Variants in CCDC122 observed in about 807,000 individuals in gnomAD.
CCDC122 encodes the protein coiled-coil domain-containing protein 122.
CCDC122 carries 38 observed loss-of-function variants against 37.0 expected under a neutral mutation model. The observed-to-expected ratio is 1.03, with a 90% confidence interval of 0.79 to 1.35. The LOEUF is 1.35. Among genes scored for constraint, CCDC122 ranks in the 40% most tolerant of loss-of-function variants. CCDC122 has a pLI of 0.00. For synonymous variants in CCDC122, 83 were observed against 95.6 expected, an observed-to-expected ratio of 0.87 and a Z score of 0.77; for missense variants, 305 against 310.0, an observed-to-expected ratio of 0.98 and a Z score of 0.12.
intron 6 of CCDC122, chr13:43,848,739 C>T (rs1488359406): frequency 1.7e-6 from 1 of 585,594 alleles, no homozygotes; most frequent in East Asian, 1.4e-4. Flanking sequence ...TTTTTATGAA[C>T]CAAAAAATGT....
rs963137562 is a variant in CCDC122, at chr13:43,866,579, C to T, written c.156+2115G>A. ...TCTGTTTCATAAAAATGATATACCT[C>T]TATATTTAAGTCTTCTTTAATTTTT... On this transcript the variant is annotated intron_variant, in intron 4 of 6. Coordinates refer to ENST00000444614, the MANE Select transcript of CCDC122 (RefSeq NM_144974.5). Among the ~76,000 whole-genome samples the T allele has an allele frequency of 4.6e-5, 7 of 152,086 alleles. No individual in the cohort carries two copies. In the South Asian group the frequency reaches 1.0e-3, roughly 23 times the overall value.
chr13:43,858,234 C>G (rs542273631), intron 6 of CCDC122: 13 of 152,310 alleles, frequency 8.5e-5, no homozygotes, highest in African/African-American at 3.1e-4. Context: ...TTTTACATTT[C>G]TGTTCACCAT....
chr13:43,844,458 T>A (rs911783866), intron 6 of CCDC122, among the ~76,000 whole-genome samples: 2 of 152,042 alleles, frequency 1.3e-5, no homozygotes, highest in Non-Finnish European at 2.9e-5. Flanking sequence ...ACACTTAAAG[T>A]GTAATCAGTA....
intron 1 of CCDC122, chr13:43,879,429 C>T: frequency 6.5e-6 from 1 of 152,848 alleles, no homozygotes; most frequent in Non-Finnish European, 1.5e-5. Context: ...CGCCTGGCTC[C>T]CGGGCGAGAG....
chr13:43,867,658 T>C (rs1954315375), intron 4 of CCDC122, among the ~76,000 whole-genome samples: 1 of 152,126 alleles, frequency 6.6e-6, no homozygotes, highest in Non-Finnish European at 1.5e-5. Context: ...TTCAGCAAAA[T>C]GCTTAACACA....
chr13:43,845,240 A>C (rs895688797), intron 6 of CCDC122, among the ~76,000 whole-genome samples: 2 of 152,222 alleles, frequency 1.3e-5, no homozygotes, highest in African/African-American at 4.8e-5. Context: ...AGAACCTTAC[A>C]ACAAAAGGCT....
chr13:43,821,161 T>C (rs956575863), downstream of CCDC122, among the ~76,000 whole-genome samples: 3 of 152,234 alleles, frequency 2.0e-5, no homozygotes, highest in Non-Finnish European at 4.4e-5. Context: ...TTGGGTTAAA[T>C]CTACTCGCTG....
chr13:43,857,776 G>A (rs968728571), intron 6 of CCDC122, among the ~76,000 whole-genome samples: 1 of 151,974 alleles, frequency 6.6e-6, no homozygotes, highest in Admixed American at 6.6e-5. Flanking sequence ...TGTGGTACGT[G>A]CCTGTAATCC....
intron 2 of CCDC122, among the ~76,000 whole-genome samples, chr13:43,874,064 T>A (rs1954532060): frequency 6.6e-6 from 1 of 152,242 alleles, no homozygotes; most frequent in Non-Finnish European, 1.5e-5. Context: ...TCTTTCTCGA[T>A]CTTTCTGGGA....
rs1202033221 is a variant in CCDC122, at chr13:43,858,826, A to C, written c.627T>G (p.Leu209=). The part of the protein sequence containing the change: ...KESIIEKTCF[L]EEEKKTHEKL... Reference sequence around the variant, plus strand: ...TTTCATGTGTCTTTTTTTCTTCCTCAAGAAAACAAGTTTTTTCAATGATAG... The same window carrying C: ...TTTCATGTGTCTTTTTTTCTTCCTCCAGAAAACAAGTTTTTTCAATGATAG... The change falls in exon 6 of 7, where the codon CTT becomes CTG. Residue 209 remains leucine (L), a synonymous_variant. Transcript: ENST00000444614. 2 of 1,427,858 alleles carry C rather than the reference A, an allele frequency of 1.4e-6. No individual in the cohort carries two copies. The highest frequency in any genetic ancestry group is 2.9e-5 in the African/African-American group (2 of 69,456). The allele number at this position is 1,427,858 out of a possible 1,614,324, so 88.4% of individuals were successfully genotyped here. A position where few individuals can be genotyped will look rare whatever the true frequency, so the allele number is the denominator to read the frequency against.
downstream of CCDC122, among the ~76,000 whole-genome samples, chr13:43,822,171 C>T (rs1952998594): frequency 6.6e-6 from 1 of 152,308 alleles, no homozygotes; most frequent in African/African-American, 2.4e-5. Context: ...ACTTGAGCCC[C>T]AAGCCCAATA....
intron 2 of CCDC122, among the ~76,000 whole-genome samples, chr13:43,873,010 G>A (rs998913084): frequency 2.6e-5 from 4 of 152,060 alleles, no homozygotes; most frequent in Non-Finnish European, 5.9e-5. Context: ...AACAAGTTCC[G>A]TCTTCATTTT....
intron 6 of CCDC122, among the ~76,000 whole-genome samples, chr13:43,838,660 A>G (rs1431712758): frequency 6.6e-6 from 1 of 152,162 alleles, no homozygotes; most frequent in Non-Finnish European, 1.5e-5. Flanking sequence ...AAGTTTCCCA[A>G]ACAAGGCTTT....
At chr13:43,857,919 T>C (rs552159809) in intron 6 of CCDC122, among the ~76,000 whole-genome samples, 25 of 152,014 alleles carry the variant, frequency 1.6e-4, no homozygotes, top group African/African-American at 6.0e-4. Flanking sequence ...AAAGAAAAAA[T>C]AATAATAATA....
chr13:43,865,406 C>T (rs1399346067), intron 4 of CCDC122, among the ~76,000 whole-genome samples: 1 of 152,062 alleles, frequency 6.6e-6, no homozygotes, highest in Non-Finnish European at 1.5e-5. Flanking sequence ...GAATATGTTC[C>T]AAGACCTCCG....
intron 3 of CCDC122, among the ~76,000 whole-genome samples, chr13:43,831,263 G>A (rs1721315050): frequency 1.3e-5 from 2 of 152,080 alleles, no homozygotes; most frequent in Admixed American, 1.3e-4. Flanking sequence ...GCTGTTTTTT[G>A]CCAAGTATGT....
At chr13:43,869,885 G>C (rs1009576363) in intron 2 of CCDC122, among the ~76,000 whole-genome samples, 9 of 152,110 alleles carry the variant, frequency 5.9e-5, no homozygotes, top group Non-Finnish European at 1.3e-4. Context: ...TTCTGCTATG[G>C]GTGTGGAATC....
chr13:43,865,461 TG>T (rs879692315), intron 4 of CCDC122, among the ~76,000 whole-genome samples: 3 of 152,278 alleles, frequency 2.0e-5, no homozygotes, highest in South Asian at 4.1e-4. Context: ...ATATACACTA[TG>T]TTTTTTTTTC....
chr13:43,861,181 C>T (rs1954092080), intron 4 of CCDC122, among the ~76,000 whole-genome samples: 1 of 152,138 alleles, frequency 6.6e-6, no homozygotes, highest in South Asian at 2.1e-4. Flanking sequence ...TGTATCTTCT[C>T]CTCCAATGGG....
Sources: gnomAD v4.1 joint callset for allele counts (sites outside exome capture counted in the v4.1 genomes callset) on GRCh38, gnomAD v4.1.1 for gene constraint, MANE v1.5 for transcripts, NCBI Gene and HGNC (gene_info 2026-07-23, HGNC 2026-07-21) for gene names.